The following RASA3 variants were observed in gnomAD, a reference collection of about 807,000 sequenced individuals.
The protein encoded by RASA3 is ras GTPase-activating protein 3.
Under a neutral mutation model 110.0 loss-of-function variants are expected in RASA3, and 73 were observed. The ratio of observed to expected loss-of-function variants is 0.66; its 90% CI spans 0.55 to 0.81. RASA3 has a LOEUF of 0.81. Among genes scored for constraint, RASA3 ranks in the 30% least tolerant of loss-of-function variants. The pLI is 0.00. For synonymous variants in RASA3, 500 were observed against 451.4 expected (o/e 1.11, Z -1.37); for missense variants, 976 against 1,113.2 (o/e 0.88, Z 1.75).
chr13:114,101,578 C>T (rs1420176059), intron 1 of RASA3, among the ~76,000 whole-genome samples: 3 of 152,232 alleles, frequency 2.0e-5, no homozygotes, highest in Non-Finnish European at 4.4e-5. Context: ...GCCGGAGATC[C>T]GGGCTTTCCT....
At chr13:114,016,158 C>T (rs374663783) in intron 13 of RASA3, 39 bp downstream of exon 13, 1 of 1,518,188 alleles carries the variant, frequency 6.6e-7, no homozygotes, top group Admixed American at 1.7e-5. Flanking sequence ...AAACCCCAAG[C>T]AGGTGACTGG....
At chr13:114,039,344 C>T (rs1391397496) in intron 4 of RASA3, among the ~76,000 whole-genome samples, 1 of 147,376 alleles carries the variant, frequency 6.8e-6, no homozygotes, top group Non-Finnish European at 1.5e-5. Flanking sequence ...TGTGCAGCAA[C>T]CCTACACTCA....
At chr13:114,024,416 G>A (rs1355527701) in intron 7 of RASA3, 61 bp from the exon 8 acceptor site, 3 of 1,488,014 alleles carry the variant, frequency 2.0e-6, no homozygotes, top group Middle Eastern at 1.8e-4. Context: ...GGGTATATGC[G>A]GACCTAGGCC....
rs922407635 is a variant in RASA3, at chr13:114,004,886, C to T, written c.1742+2647G>A. On this transcript the variant is annotated intron_variant, in intron 18 of 23. Coordinates refer to ENST00000334062, the MANE Select transcript of RASA3 (RefSeq NM_007368.4). The stretch of plus-strand genomic sequence containing the variant: ...CGGAATCCACGTGTCCACCAACGGA[C>T]GACTGGATAAAGAAAACGTGGCATA... Among the ~76,000 whole-genome samples, 6 of 152,240 alleles carry T rather than the reference C, an allele frequency of 3.9e-5. No individual in the cohort carries two copies. The South Asian group carries it at 1.0e-3, about 26-fold the overall frequency.
intron 18 of RASA3, among the ~76,000 whole-genome samples, chr13:114,001,151 G>C (rs894417258): frequency 3.3e-5 from 5 of 152,248 alleles, no homozygotes; most frequent in African/African-American, 1.2e-4. Context: ...AGTTGGTGAT[G>C]GCACCAGGTT....
intron 21 of RASA3, among the ~76,000 whole-genome samples, chr13:113,994,115 G>A (rs1463690280): frequency 6.6e-6 from 1 of 152,148 alleles, no homozygotes; most frequent in Non-Finnish European, 1.5e-5. Context: ...TTTCCATACT[G>A]ATTAGAAATT....
chr13:113,994,991 A>G (rs551195314), intron 21 of RASA3, among the ~76,000 whole-genome samples: 1 of 152,336 alleles, frequency 6.6e-6, no homozygotes, highest in East Asian at 1.9e-4. Flanking sequence ...TAAAACTAAA[A>G]AAGCATCCCC....
intron 1 of RASA3, among the ~76,000 whole-genome samples, chr13:114,075,695 G>A (rs1346581248): frequency 1.4e-5 from 1 of 73,970 alleles, no homozygotes; most frequent in East Asian, 5.5e-4. Flanking sequence ...CTCTGCGTGT[G>A]GAGGCGCCGG....
rs2053851443 is a variant in RASA3, at chr13:114,018,802, G to A, written c.903C>T (p.Ser301=). The change falls in exon 10 of 24, where the codon AGC becomes AGT. Residue 301 remains serine (S), a synonymous_variant. Transcript: ENST00000334062. ...ACTTCAACAGCAGGTCCCGCAGAGG[G>A]CTGTAATAGTCAGAAGAAAACACGT... ...EDHVFSSDYY[S]PLRDLLLKSA... is the part of the protein sequence containing the mutation. 1.2e-6 allele frequency: 2 copies of A among 1,613,658 alleles called. No individual in the cohort carries two copies. The highest frequency in any genetic ancestry group is 1.7e-6 in the Non-Finnish European group (2 of 1,179,976).
At chr13:114,032,378 G>A (rs1421343658) in intron 4 of RASA3, among the ~76,000 whole-genome samples, 1 of 152,112 alleles carries the variant, frequency 6.6e-6, no homozygotes, top group Non-Finnish European at 1.5e-5. Context: ...TCCGACCCAT[G>A]GGCCACACGT....
At chr13:114,050,207 G>T (rs1250764926) in intron 3 of RASA3, among the ~76,000 whole-genome samples, 1 of 152,150 alleles carries the variant, frequency 6.6e-6, no homozygotes, top group Non-Finnish European at 1.5e-5. Context: ...GGGGTGCAGG[G>T]GTCACGCTGG....
At chr13:114,024,746 G>A (rs917062971) in intron 7 of RASA3, among the ~76,000 whole-genome samples, 3 of 152,202 alleles carry the variant, frequency 2.0e-5, no homozygotes, top group Non-Finnish European at 4.4e-5. Context: ...CCGCCCTCCC[G>A]TGGCCCCACC....
rs770267107 is a variant in RASA3 at position 113,996,596 on chromosome 13, C to G, written c.2076G>C (p.Leu692=). Reference sequence around the variant, plus strand: ...CCCTACAGCACAGCCAGTGGCCGCTCAGGTAGGCGGACGGGTGGTAGACGG... The same window carrying G: ...CCCTACAGCACAGCCAGTGGCCGCTGAGGTAGGCGGACGGGTGGTAGACGG... ...RLTVYHPSAY[L]SGHWLCCRAP... The change falls in exon 21 of 24, where the codon CTG becomes CTC. Residue 692 remains leucine, a synonymous_variant. Transcript: ENST00000334062. 6.2e-7 allele frequency: 1 copy of G among 1,613,610 alleles called. No individual in the cohort carries two copies. Among genetic ancestry groups the G allele is most frequent in the Non-Finnish European group, 8.5e-7 (1 of 1,180,028 alleles).
intron 3 of RASA3, among the ~76,000 whole-genome samples, chr13:114,042,598 C>G (rs2054435581): frequency 6.6e-6 from 1 of 152,254 alleles, no homozygotes; most frequent in Admixed American, 6.5e-5. Context: ...TGTGCATGAC[C>G]TGGGCTCCCG....
Position 114,009,347 on chromosome 13 carries a change from G to A in RASA3, c.1668+40C>T, listed in dbSNP as rs369315488. ...TTTAAAAGAGAACTCCGTCTCCTGAGCACGGCACACGGGCGGTCGGAGGGT... is the reference window on the plus strand; with the variant it reads ...TTTAAAAGAGAACTCCGTCTCCTGAACACGGCACACGGGCGGTCGGAGGGT... On this transcript the variant is annotated intron_variant, in intron 17 of 23. Transcript: ENST00000334062. 9 of 1,492,056 alleles carry A rather than the reference G, an allele frequency of 6.0e-6. No individual in the cohort carries two copies. The African/African-American group carries it at 1.1e-4, about 18-fold the overall frequency. 92.4% of individuals were successfully genotyped at this position (1,492,056 alleles called of 1,614,324 possible).
chr13:113,991,697 G>A (rs1341535051), intron 22 of RASA3, among the ~76,000 whole-genome samples: 2 of 152,180 alleles, frequency 1.3e-5, no homozygotes, highest in Non-Finnish European at 2.9e-5. Context: ...CGGTGTGCCT[G>A]GCACTGTTTC....
At chr13:113,995,496 T>C (rs1487109249) in intron 21 of RASA3, among the ~76,000 whole-genome samples, 1 of 152,176 alleles carries the variant, frequency 6.6e-6, no homozygotes, top group Non-Finnish European at 1.5e-5. Flanking sequence ...AACAGCGAGG[T>C]GCATCTCACG....
chr13:114,028,545 C>T (rs564906479), intron 5 of RASA3, among the ~76,000 whole-genome samples: 21 of 147,644 alleles, frequency 1.4e-4, no homozygotes, highest in Non-Finnish European at 2.8e-4. Context: ...ACCTCTAAAA[C>T]AGCGTCATCC....
At chr13:114,049,353 G>A (rs914465772) in intron 3 of RASA3, among the ~76,000 whole-genome samples, 3 of 151,926 alleles carry the variant, frequency 2.0e-5, no homozygotes, top group Non-Finnish European at 4.4e-5. Context: ...TCATAGCTGC[G>A]AAAGCCACAG....
Sources: allele counts gnomAD v4.1 joint callset (sites outside exome capture counted in the v4.1 genomes callset), GRCh38; gene constraint gnomAD v4.1.1; transcripts MANE v1.5; gene names NCBI Gene and HGNC (gene_info 2026-07-23, HGNC 2026-07-21).